PHF3: variants seen among roughly 807,000 people sequenced by gnomAD.
PHF3 encodes the protein PHD finger protein 3.
A neutral mutation model predicts 178.4 loss-of-function variants in PHF3; 41 were observed. The observed-to-expected ratio is 0.23, with a 90% CI of 0.18 to 0.30. The LOEUF (loss-of-function observed/expected upper bound fraction) is 0.30. PHF3 is among the 10% of genes least tolerant of loss of function. The pLI is 1.00. For synonymous variants in PHF3, 842 were observed against 800.5 expected, an observed-to-expected ratio of 1.05 and a Z score of -0.88; for missense variants, 2,346 against 2,398.1, an observed-to-expected ratio of 0.98 and a Z score of 0.45.
Position 63,724,859 on chromosome 6 carries a change from GGTTA to G in PHF3, c.*11155_*11158del, listed in dbSNP as rs1367712240. On this transcript the variant is annotated 3_prime_UTR_variant, in exon 16 of 16. Coordinates refer to ENST00000262043, the MANE Select transcript of PHF3 (RefSeq NM_001370348.2). ...TGGATTTTAACTTTGTGTATTGTTTGGTTAGTTTTTACTAATAGGTCCTCTTAGC... is the reference window on the plus strand; with the variant it reads ...TGGATTTTAACTTTGTGTATTGTTTGGTTTTTACTAATAGGTCCTCTTAGC... Among the ~76,000 whole-genome samples, 5 of 151,926 alleles carry G rather than the reference GGTTA, an allele frequency of 3.3e-5. No individual in the cohort carries two copies. The highest frequency in any genetic ancestry group is 7.4e-5 in the Non-Finnish European group (5 of 67,928).
intron 1 of PHF3, among the ~76,000 whole-genome samples, chr6:63,637,971 T>C (rs1046211888): frequency 5.3e-5 from 8 of 152,250 alleles, no homozygotes; most frequent in African/African-American, 1.9e-4. Context: ...ACGTGAATTA[T>C]GCATTCTCTC....
rs113032099 is a variant in PHF3, at chr6:63,720,297, G to A, written c.*6589G>A. 2.7e-4 allele frequency: 103 copies of A among 374,900 alleles called. No individual in the cohort carries two copies. The highest frequency in any genetic ancestry group is 2.1e-3 in the Middle Eastern group (3 of 1,456). 23.2% of individuals were successfully genotyped at this position (374,900 alleles called of 1,614,324 possible). On this transcript the variant is annotated 3_prime_UTR_variant, in exon 16 of 16. Coordinates refer to ENST00000262043, the MANE Select transcript of PHF3 (RefSeq NM_001370348.2). ...TGTGTTTACACGTTGATTTTAAAAT[G>A]TAAGCATTAGGGATAGGTAAAAAGT...
intron 2 of PHF3, among the ~76,000 whole-genome samples, chr6:63,671,545 G>A (rs1354296889): frequency 6.6e-6 from 1 of 152,168 alleles, no homozygotes; most frequent in African/African-American, 2.4e-5. Flanking sequence ...GAGAGTAGCT[G>A]CATGCTGAGG....
intron 1 of PHF3, among the ~76,000 whole-genome samples, chr6:63,637,428 A>G (rs1320256769): frequency 6.6e-6 from 1 of 152,232 alleles, no homozygotes; most frequent in Non-Finnish European, 1.5e-5. Context: ...CGACATGTTG[A>G]GTCAAAGCAC....
In PHF3 at chr6:63,721,040, C is replaced by T; in HGVS notation, c.*7332C>T. On this transcript the variant is annotated 3_prime_UTR_variant, in exon 16 of 16. Transcript: ENST00000262043. ...TTTCTTCATTTTGAGCTATTCCCAT[C>T]CATACAATTAGACCTTCTGTTTTAG... is the stretch of plus-strand genomic sequence containing the variant. The T allele has an allele frequency of 6.4e-7, 1 of 1,551,258 alleles. No homozygotes were observed. Among genetic ancestry groups the T allele is most frequent in the Non-Finnish European group, 8.7e-7 (1 of 1,146,752 alleles).
At position 63,721,470 on chromosome 6, in the gene PHF3, T is replaced by G. The variant is rs1768387393; in HGVS notation, c.*7762T>G. 6.4e-7 allele frequency: 1 copy of G among 1,551,468 alleles called. No individual in the cohort carries two copies. Among genetic ancestry groups the G allele is most frequent in the African/African-American group, 1.4e-5 (1 of 73,046 alleles). ...TTCAGTTAATTGTAATTCTTGATTA[T>G]TTATGATAACTTGTCGGATACAGCC... is the stretch of plus-strand genomic sequence containing the variant. On this transcript the variant is annotated 3_prime_UTR_variant, in exon 16 of 16. Transcript: ENST00000262043.
chr6:63,720,556 G>A lies in PHF3; in HGVS notation c.*6848G>A. 7.3e-7 allele frequency: 1 copy of A among 1,363,564 alleles called. No homozygotes were observed. The highest frequency in any genetic ancestry group is 9.8e-7 in the Non-Finnish European group (1 of 1,025,250). 84.5% of individuals were successfully genotyped at this position (1,363,564 alleles called of 1,614,324 possible). A position where few individuals can be genotyped will look rare whatever the true frequency, so the allele number is the denominator to read the frequency against. On this transcript the variant is annotated 3_prime_UTR_variant, in exon 16 of 16. Transcript: ENST00000262043. Reference sequence around the variant, plus strand: ...CAAAGAAATAACTATCAAAATAACTGCATTTATGTATAGTGTGTACTAAAA... The same window carrying A: ...CAAAGAAATAACTATCAAAATAACTACATTTATGTATAGTGTGTACTAAAA...
Position 63,684,643 on chromosome 6 carries a change from T to A in PHF3, c.921T>A (p.Thr307=). The change falls in exon 4 of 16, where the codon ACT becomes ACA. Residue 307 remains threonine, a synonymous_variant. Coordinates refer to ENST00000262043, the MANE Select transcript of PHF3 (RefSeq NM_001370348.2). ...CCATTTCAGGTAAAACGGGTGAGACTGTTGTTGAAGAAATGATAGCAACAA... is the reference window on the plus strand; with the variant it reads ...CCATTTCAGGTAAAACGGGTGAGACAGTTGTTGAAGAAATGATAGCAACAA... ...NDSISGKTGE[T]VVEEMIATRK... is the part of the protein sequence containing the mutation. 6.2e-7 allele frequency: 1 copy of A among 1,613,842 alleles called. No homozygotes were observed. Among genetic ancestry groups the A allele is most frequent in the African/African-American group, 1.3e-5 (1 of 75,046 alleles).
chr6:63,672,807 C>T (rs916965255), intron 2 of PHF3, among the ~76,000 whole-genome samples: 10 of 152,178 alleles, frequency 6.6e-5, no homozygotes, highest in African/African-American at 2.4e-4. Context: ...CAATCCCAGC[C>T]GCCATACTTG....
rs1272680497 is a variant in PHF3, at chr6:63,725,123, A to C, written c.*11415A>C. 6.6e-6 allele frequency among the ~76,000 whole-genome samples: 1 copy of C among 152,114 alleles called. No individual in the cohort carries two copies. The highest frequency in any genetic ancestry group is 2.4e-5 in the African/African-American group (1 of 41,460). The stretch of plus-strand genomic sequence containing the variant: ...GAACTTATATTTTTAATATTTAAAA[A>C]TTTTCATGATTTTCTTATATAAGTG... On this transcript the variant is annotated 3_prime_UTR_variant, in exon 16 of 16. Transcript: ENST00000262043.
chr6:63,684,081 A>G (rs1241197849), intron 3 of PHF3, 48 bp from the exon 4 acceptor site: 2 of 1,375,602 alleles, frequency 1.5e-6, no homozygotes, highest in African/African-American at 2.9e-5. Flanking sequence ...ATAAAAGCAC[A>G]TGACAAAATA....
chr6:63,705,200 A>G (rs1767637947), intron 11 of PHF3, among the ~76,000 whole-genome samples: 1 of 152,194 alleles, frequency 6.6e-6, no homozygotes, highest in African/African-American at 2.4e-5. Context: ...ATTTGGTAAA[A>G]TTGTCAGAGA....
chr6:63,673,884 A>T (rs959512565), intron 2 of PHF3, among the ~76,000 whole-genome samples: 1 of 152,206 alleles, frequency 6.6e-6, no homozygotes, highest in Non-Finnish European at 1.5e-5. Flanking sequence ...ATTTCACCTT[A>T]TCTGTCTTTA....
rs191891507 is a variant in PHF3 at position 63,704,435 on chromosome 6, A to G, written c.3367+764A>G. 1.7e-3 allele frequency among the ~76,000 whole-genome samples: 261 copies of G among 150,716 alleles called. 2 individuals carry two copies. The highest frequency in any genetic ancestry group is 6.1e-3 in the African/African-American group (251 of 40,896). ...ACACCCCCACCAGCCCCTGGAAACCACTGATCTTTTCATTGTCTCTGTAGT... is the reference window on the plus strand; with the variant it reads ...ACACCCCCACCAGCCCCTGGAAACCGCTGATCTTTTCATTGTCTCTGTAGT... On this transcript the variant is annotated intron_variant, in intron 11 of 15. Transcript: ENST00000262043.
Position 63,721,419 on chromosome 6 carries a change from A to G in PHF3, c.*7711A>G, listed in dbSNP as rs1405484792. Reference sequence around the variant, plus strand: ...ACAGGCTGTCCCATCACAGTCACCTACATTTGAGCCACCTTTTGCTCCAAA... The same window carrying G: ...ACAGGCTGTCCCATCACAGTCACCTGCATTTGAGCCACCTTTTGCTCCAAA... On this transcript the variant is annotated 3_prime_UTR_variant, in exon 16 of 16. Coordinates refer to ENST00000262043, the MANE Select transcript of PHF3 (RefSeq NM_001370348.2). The G allele has an allele frequency of 5.8e-6, 9 of 1,551,736 alleles. No homozygotes were observed. The highest frequency in any genetic ancestry group is 7.8e-6 in the Non-Finnish European group (9 of 1,146,948).
chr6:63,693,923 A>G (rs1283579981), intron 5 of PHF3, among the ~76,000 whole-genome samples: 2 of 152,256 alleles, frequency 1.3e-5, no homozygotes, highest in East Asian at 3.8e-4. Flanking sequence ...CCTGCTCTCA[A>G]GAATGTCTAG....
chr6:63,636,089 C>T lies in PHF3; in HGVS notation c.-87C>T. The T allele has an allele frequency of 7.7e-6, 3 of 391,720 alleles. No homozygotes were observed. The highest frequency in any genetic ancestry group is 2.1e-5 in the African/African-American group (1 of 48,418). The allele number at this position is 391,720 out of a possible 1,614,324, so 24.3% of individuals were successfully genotyped here. A position where few individuals can be genotyped will look rare whatever the true frequency, so the allele number is the denominator to read the frequency against. On this transcript the variant is annotated 5_prime_UTR_variant, in exon 1 of 16. Transcript: ENST00000262043. The stretch of plus-strand genomic sequence containing the variant: ...CGGGCCCCCTCCTCCTCCTCTTCGG[C>T]GGCGGCAGCGTCCACCATCTTCCTC...
At chr6:63,658,122 A>T (rs1469569263) in intron 2 of PHF3, among the ~76,000 whole-genome samples, 2 of 152,224 alleles carry the variant, frequency 1.3e-5, no homozygotes, top group Admixed American at 6.5e-5. Context: ...TAAAGTATTA[A>T]GGCTTTCAGT....
intron 9 of PHF3, 54 bp from the exon 10 acceptor site, chr6:63,702,454 A>G: frequency 8.1e-7 from 1 of 1,236,106 alleles, no homozygotes; most frequent in Non-Finnish European, 1.1e-6. Flanking sequence ...TAAGGTGTAC[A>G]CTTGGAAATA....
Sources: allele counts gnomAD v4.1 joint callset (sites outside exome capture counted in the v4.1 genomes callset), GRCh38; gene constraint gnomAD v4.1.1; transcripts MANE v1.5; gene names NCBI Gene and HGNC (gene_info 2026-07-23, HGNC 2026-07-21).